Variants in STAG3 observed in about 807,000 individuals in gnomAD.
The protein encoded by STAG3 is STAG3 cohesin complex component.
STAG3 carries 101 observed loss-of-function variants against 160.7 expected under a neutral mutation model. That is an observed-to-expected ratio of 0.63 (90% CI 0.54 to 0.74). The LOEUF is 0.74. Ranked by LOEUF, STAG3 falls within the 30% of genes least tolerant of loss-of-function variation. The pLI is 0.00. For synonymous variants in STAG3, 519 were observed against 585.0 expected, an observed-to-expected ratio of 0.89 and a Z score of 1.63; for missense variants, 1,188 against 1,517.4, an observed-to-expected ratio of 0.78 and a Z score of 3.61.
rs1800807880 is a variant in STAG3 at position 100,198,086 on chromosome 7, G to A, written c.1165-1G>A. 6.2e-7 allele frequency: 1 copy of A among 1,613,842 alleles called. No homozygotes were observed. Among genetic ancestry groups the A allele is most frequent in the South Asian group, 1.1e-5 (1 of 91,078 alleles). On this transcript the variant is annotated splice_acceptor_variant, in intron 11 of 33. Coordinates refer to ENST00000615138, the MANE Select transcript of STAG3 (RefSeq NM_001282717.2). LOFTEE classifies it high-confidence loss of function. ...ATTGAGTGACTTTCTCCTTTCTGCA[G>A]GACCGGATGGTTTCCATGGTCATGG...
rs972329641 is a variant in STAG3, at chr7:100,213,289, G to T, written c.3601-446G>T. 4 of 982,974 alleles carry T rather than the reference G, an allele frequency of 4.1e-6. No individual in the cohort carries two copies. In the African/African-American group the frequency reaches 7.0e-5, roughly 17 times the overall value. 60.9% of individuals were successfully genotyped at this position (982,974 alleles called of 1,614,324 possible). A position where few individuals can be genotyped will look rare whatever the true frequency, so the allele number is the denominator to read the frequency against. Reference sequence around the variant, plus strand: ...AAGGATTTCAATATGTGGGTTTAGGGGGACACAGATATTCAGTCCATTACA... The same window carrying T: ...AAGGATTTCAATATGTGGGTTTAGGTGGACACAGATATTCAGTCCATTACA... On this transcript the variant is annotated intron_variant, in intron 32 of 33. Transcript: ENST00000615138.
intron 24 of STAG3, 25 bp from the exon 25 acceptor site, chr7:100,202,429 C>T (rs747261656): frequency 1.2e-5 from 20 of 1,610,902 alleles, no homozygotes; most frequent in Non-Finnish European, 1.6e-5. Flanking sequence ...GTCTGTGATT[C>T]CCTTTTGCCT....
chr7:100,217,759 C>T (rs1359533163), downstream of STAG3, among the ~76,000 whole-genome samples: 1 of 152,138 alleles, frequency 6.6e-6, no homozygotes, highest in East Asian at 1.9e-4. Context: ...AGAGAGAGGA[C>T]AGCTTACATC....
rs758216185 is a variant in STAG3, at chr7:100,211,181, C to G, written c.3409C>G (p.Gln1137Glu). The change falls in exon 30 of 34, where the codon CAG (glutamine) becomes GAG (glutamate). Residue 1137 changes from glutamine (Q) to glutamate (E), a missense_variant. By Grantham distance (29) the Gln-to-Glu change is conservative (BLOSUM62 2). Coordinates refer to ENST00000615138, the MANE Select transcript of STAG3 (RefSeq NM_001282717.2). ...EEDGSELDFA[Q>E]GSQPVAGTER... ...AGATGGCTCAGAGTTGGATTTTGCCCAGGGGTGAGGCCATGGAGGGAATCT... is the reference window on the plus strand; with the variant it reads ...AGATGGCTCAGAGTTGGATTTTGCCGAGGGGTGAGGCCATGGAGGGAATCT... The G allele has an allele frequency of 5.7e-6, 9 of 1,575,614 alleles. No individual in the cohort carries two copies. Among genetic ancestry groups the G allele is most frequent in the Non-Finnish European group, 7.7e-6 (9 of 1,161,638 alleles).
chr7:100,198,125 T>A lies in STAG3; in HGVS notation c.1203T>A (p.Asp401Glu), dbSNP rs1435746712. 1 of 1,613,970 alleles carries A rather than the reference T, an allele frequency of 6.2e-7. No individual in the cohort carries two copies. The highest frequency in any genetic ancestry group is 2.2e-5 in the East Asian group (1 of 44,882). ...CCATGGTCATGGACAGAGAGTATGA[T>A]GTGGCAGTGGAGGCTGTCAGATTAC... ...MVSMVMDREY[D>E]VAVEAVRLLI... The change falls in exon 12 of 34, where the codon GAT (aspartate) becomes GAA (glutamate). Residue 401 changes from aspartate (D) to glutamate (E), a missense_variant. This residue lies in a region of STAG3 where 240 missense variants were observed against 358.1 expected (regional missense o/e 0.67). Transcript: ENST00000615138.
Position 100,199,276 on chromosome 7 carries a change from T to C in STAG3, c.1482T>C (p.Ala494=). 6.2e-7 allele frequency: 1 copy of C among 1,613,960 alleles called. No homozygotes were observed. The highest frequency in any genetic ancestry group is 1.7e-5 in the Admixed American group (1 of 60,026). ...TTCTCCCCTAGCTCCATGACCACGC[T>C]GCTTACTTAGTAGACAGTCTGTGGG... The part of the protein sequence containing the change: ...FFVESELHDH[A]AYLVDSLWDC... Residue 494 remains alanine, a synonymous_variant, in exon 15 of 34, where the codon GCT becomes GCC. Transcript: ENST00000615138.
At chr7:100,182,530 T>G (rs2117067597) in intron 3 of STAG3, among the ~76,000 whole-genome samples, 193 bp from the exon 4 acceptor site, 1 of 150,570 alleles carries the variant, frequency 6.6e-6, no homozygotes. Context: ...CTCAAGGACT[T>G]TTTTTTTAAG....
intron 3 of STAG3, 86 bp from the exon 4 acceptor site, chr7:100,182,637 G>C: frequency 7.0e-7 from 1 of 1,423,070 alleles, no homozygotes. Flanking sequence ...AAGCCTACTT[G>C]TGTGATAATG....
rs770049844 is a variant in STAG3 at position 100,200,904 on chromosome 7, G to T, written c.1996G>T (p.Ala666Ser). The T allele has an allele frequency of 1.9e-6, 3 of 1,614,214 alleles. No homozygotes were observed. In the South Asian group the frequency reaches 3.3e-5, roughly 18 times the overall value. The change falls in exon 19 of 34, where the codon GCC (alanine) becomes TCC (serine). Residue 666 changes from alanine (A) to serine (S), a missense_variant. By Grantham distance (99) the Ala-to-Ser change is moderately conservative. Transcript: ENST00000615138. Reference protein sequence around the residue: ...EFTFFSRADFARSQLVDLLTD... With the variant: ...EFTFFSRADFSRSQLVDLLTD... ...CACTTTCTTCAGCCGGGCGGACTTT[G>T]CCCGCAGCCAGCTAGTAGATTTGCT...
At chr7:100,213,913 G>C (rs1802529980) in intron 33 of STAG3, 94 bp from the exon 34 acceptor site, 2 of 1,612,896 alleles carry the variant, frequency 1.2e-6, no homozygotes, top group Non-Finnish European at 1.7e-6. Context: ...CCTCTGGGCT[G>C]TCTCTGGGGC....
intron 8 of STAG3, among the ~76,000 whole-genome samples, chr7:100,190,157 T>G (rs1800268672): frequency 6.6e-6 from 1 of 152,228 alleles, no homozygotes; most frequent in Admixed American, 6.5e-5. Context: ...ATTGCCTCGC[T>G]TGGCTCATAG....
At chr7:100,188,373 C>T (rs1175915168) in intron 5 of STAG3, 80 bp from the exon 6 acceptor site, 2 of 962,556 alleles carry the variant, frequency 2.1e-6, no homozygotes, top group East Asian at 2.4e-5. Flanking sequence ...TGTTTCCTTG[C>T]TCATCTTCAG....
chr7:100,215,939 G>A (rs542401058), downstream of STAG3, among the ~76,000 whole-genome samples: 5 of 152,248 alleles, frequency 3.3e-5, no homozygotes, highest in Admixed American at 6.5e-5. Flanking sequence ...CTTGGAACCC[G>A]GTCACCATTC....
downstream of STAG3, among the ~76,000 whole-genome samples, chr7:100,216,067 C>G (rs975701632): frequency 6.6e-6 from 1 of 152,204 alleles, no homozygotes; most frequent in Non-Finnish European, 1.5e-5. Context: ...AGATGGGAGT[C>G]AGATGATTCC....
At chr7:100,202,763 A>C (rs1183607991) in intron 25 of STAG3, among the ~76,000 whole-genome samples, 173 bp downstream of exon 25, 1 of 152,228 alleles carries the variant, frequency 6.6e-6, no homozygotes, top group Non-Finnish European at 1.5e-5. Context: ...AAAGAGACTT[A>C]ATAGTAAATA....
chr7:100,203,271 G>T (rs947587587), intron 25 of STAG3, among the ~76,000 whole-genome samples: 1 of 150,692 alleles, frequency 6.6e-6, no homozygotes, highest in South Asian at 2.1e-4. Flanking sequence ...TGCAACCTCT[G>T]CCTCCCGGGG....
At chr7:100,208,569 G>T (rs537621835) in intron 29 of STAG3, among the ~76,000 whole-genome samples, 9 of 152,318 alleles carry the variant, frequency 5.9e-5, no homozygotes, top group African/African-American at 1.7e-4. Flanking sequence ...AGCATCATGG[G>T]CTGGCAGAAT....
At chr7:100,217,745 GGA>G (rs371561788), downstream of STAG3, among the ~76,000 whole-genome samples, 3 of 152,052 alleles carry the variant, frequency 2.0e-5, no homozygotes, top group African/African-American at 4.8e-5. Flanking sequence ...TAGCCGAGGC[GGA>G]GAGAGAGAGG....
At chr7:100,202,134 T>C in intron 23 of STAG3, 38 bp from the exon 24 acceptor site, 1 of 1,609,682 alleles carries the variant, frequency 6.2e-7, no homozygotes, top group Non-Finnish European at 8.5e-7. Flanking sequence ...TTGGGAAACA[T>C]TCTGTCCTTT....
Sources: gnomAD v4.1 joint callset for allele counts (sites outside exome capture counted in the v4.1 genomes callset) on GRCh38, gnomAD v4.1.1 for gene constraint, gnomAD v4.1.1 regional missense constraint, MANE v1.5 for transcripts, NCBI Gene and HGNC (gene_info 2026-07-23, HGNC 2026-07-21) for gene names.